ARB2A: variants seen among roughly 807,000 people sequenced by gnomAD.
ARB2A encodes cotranscriptional regulator ARB2A.
At chr5:93,699,889 T>G in the ARB2A span, among the ~76,000 whole-genome samples, 1 of 150,096 alleles carries the variant, frequency 6.7e-6, no homozygotes, top group African/African-American at 2.5e-5. Flanking sequence ...GCTGTAGGAG[T>G]GGGCTACGGA....
the ARB2A span, among the ~76,000 whole-genome samples, chr5:93,803,229 A>T: frequency 6.6e-6 from 1 of 152,068 alleles, no homozygotes; most frequent in African/African-American, 2.4e-5. Context: ...AACATCAAGT[A>T]ATTTTCTGCA....
At chr5:93,981,126 T>A in the ARB2A span, among the ~76,000 whole-genome samples, 1 of 151,270 alleles carries the variant, frequency 6.6e-6, no homozygotes, top group Non-Finnish European at 1.5e-5. Flanking sequence ...GAGTGTGCAA[T>A]GGCGCGATCT....
At chr5:94,073,989 T>C in the ARB2A span, among the ~76,000 whole-genome samples, 1 of 152,142 alleles carries the variant, frequency 6.6e-6, no homozygotes, top group East Asian at 1.9e-4. Context: ...TCATTTGGTA[T>C]TCGGGATCTC....
chr5:93,667,816 C>T, the ARB2A span, among the ~76,000 whole-genome samples: 1 of 152,032 alleles, frequency 6.6e-6, no homozygotes, highest in Admixed American at 6.6e-5. Flanking sequence ...GTTTTTTGGG[C>T]CAATTTATAG....
At chr5:93,895,494 C>T in the ARB2A span, among the ~76,000 whole-genome samples, 13,568 of 152,040 alleles carry the variant, frequency 0.089, 787 homozygotes, top group Middle Eastern at 0.16. Context: ...ACAAGTACTC[C>T]GACTCCAAAG....
the ARB2A span, among the ~76,000 whole-genome samples, chr5:93,923,319 T>C: frequency 6.6e-6 from 1 of 152,160 alleles, no homozygotes; most frequent in Non-Finnish European, 1.5e-5. Context: ...ACTAGTAAAT[T>C]TGGGGGGAGT....
At chr5:93,863,712 G>A in the ARB2A span, 2 of 151,992 alleles carry the variant, frequency 1.3e-5, no homozygotes, top group African/African-American at 2.4e-5. Context: ...AGGTTAACAA[G>A]CAACTATTTG....
chr5:94,037,830 C>A, the ARB2A span, among the ~76,000 whole-genome samples: 3 of 152,198 alleles, frequency 2.0e-5, no homozygotes, highest in East Asian at 5.8e-4. Context: ...TGAAAAACTC[C>A]TATAAGATGG....
At chr5:94,101,208 A>C in the ARB2A span, among the ~76,000 whole-genome samples, 2 of 152,320 alleles carry the variant, frequency 1.3e-5, no homozygotes, top group South Asian at 4.1e-4. Context: ...AAAAAGCTCA[A>C]TATCACTGAT....
chr5:94,098,062 G>A, the ARB2A span, among the ~76,000 whole-genome samples: 1 of 152,196 alleles, frequency 6.6e-6, no homozygotes, highest in African/African-American at 2.4e-5. Context: ...AGAGCATGCA[G>A]CCCAGGAGTG....
the ARB2A span, among the ~76,000 whole-genome samples, chr5:93,707,987 C>T: frequency 3.3e-5 from 5 of 152,158 alleles, no homozygotes; most frequent in Admixed American, 6.5e-5. Context: ...AATGTTTAAA[C>T]GTGTAAGAGT....
At chr5:93,741,270 G>A in the ARB2A span, 14 of 1,613,816 alleles carry the variant, frequency 8.7e-6, no homozygotes, top group Admixed American at 3.3e-5. Flanking sequence ...CCGGGAGGGC[G>A]CCTTCGGAGG....
At chr5:93,694,867 G>C in the ARB2A span, among the ~76,000 whole-genome samples, 1 of 151,958 alleles carries the variant, frequency 6.6e-6, no homozygotes, top group Non-Finnish European at 1.5e-5. Context: ...CAGAACAGAG[G>C]CCTCAGAAAT....
At chr5:94,055,652 G>C in the ARB2A span, 1 of 985,266 alleles carries the variant, frequency 1.0e-6, no homozygotes, top group Non-Finnish European at 1.2e-6. Flanking sequence ...CATTAGTAAA[G>C]TTCTTACCAC....
the ARB2A span, among the ~76,000 whole-genome samples, chr5:94,081,186 A>C: frequency 6.6e-6 from 1 of 152,222 alleles, no homozygotes; most frequent in East Asian, 1.9e-4. Flanking sequence ...ATATAAATCA[A>C]GGTTTGTGAC....
the ARB2A span, among the ~76,000 whole-genome samples, chr5:93,745,607 G>A: frequency 5.3e-5 from 8 of 152,052 alleles, no homozygotes; most frequent in African/African-American, 1.9e-4. Context: ...TCATACTCGA[G>A]ACAGAGGACA....
the ARB2A span, among the ~76,000 whole-genome samples, chr5:93,994,841 G>A: frequency 6.6e-6 from 1 of 151,972 alleles, no homozygotes; most frequent in East Asian, 1.9e-4. Context: ...GAGAGGCAGA[G>A]GTTGCAGTGA....
the ARB2A span, among the ~76,000 whole-genome samples, chr5:93,887,256 TAA>T: frequency 1.4e-4 from 11 of 81,362 alleles, no homozygotes; most frequent in African/African-American, 1.7e-4. Context: ...AGTGAGTGGA[TAA>T]AAAAAAAAAA....
the ARB2A span, among the ~76,000 whole-genome samples, chr5:93,624,553 T>C: frequency 6.6e-6 from 1 of 152,154 alleles, no homozygotes; most frequent in Non-Finnish European, 1.5e-5. Flanking sequence ...ATAACATCAA[T>C]TCAGTATAAA....
Sources: allele counts gnomAD v4.1 joint callset (sites outside exome capture counted in the v4.1 genomes callset), GRCh38; gene constraint gnomAD v4.1.1; transcripts MANE v1.5; gene names NCBI Gene and HGNC (gene_info 2026-07-23, HGNC 2026-07-21).